The following NOX3 variants were observed in gnomAD, a reference collection of about 807,000 sequenced individuals.
NOX3 encodes the protein NADPH oxidase catalytic subunit-like 3.
NOX3 carries 74 observed loss-of-function variants against 76.7 expected under a neutral mutation model. The ratio of observed to expected loss-of-function variants is 0.96; its 90% CI spans 0.80 to 1.17. The LOEUF (loss-of-function observed/expected upper bound fraction) is 1.17, where lower values mean the gene tolerates loss of function less well. Among genes scored for constraint, NOX3 ranks in the 50% most tolerant of loss-of-function variants. The probability of loss-of-function intolerance (pLI) is 0.00; values close to 1 mark genes in which losing one functional copy is unlikely to be tolerated. For missense variants in NOX3, 695 were observed against 703.3 expected (o/e 0.99, Z 0.13); for synonymous variants, 263 against 261.1 (o/e 1.01, Z -0.07).
chr6:155,434,297 G>A (rs1776873517), intron 7 of NOX3, among the ~76,000 whole-genome samples: 1 of 152,220 alleles, frequency 6.6e-6, no homozygotes, highest in East Asian at 1.9e-4. Context: ...GTTACGATGA[G>A]TTGATGCTGT....
chr6:155,407,171 G>A lies in NOX3; in HGVS notation c.1539C>T (p.Asn513=), dbSNP rs2114677923. 1 of 1,614,078 alleles carries A rather than the reference G, an allele frequency of 6.2e-7. No homozygotes were observed. The highest frequency in any genetic ancestry group is 8.5e-7 in the Non-Finnish European group (1 of 1,179,982). The change falls in exon 12 of 14, where the codon AAC becomes AAT. Residue 513 remains asparagine, a synonymous_variant. Coordinates refer to ENST00000159060, the MANE Select transcript of NOX3 (RefSeq NM_015718.3). ...CAATCTGCTTGAACTCATTGTTCCA[G>A]TTGGGCCTCCCATAGAAGGTCTTCT... The part of the protein sequence containing the change: ...LKQKTFYGRP[N]WNNEFKQIAY...
intron 11 of NOX3, among the ~76,000 whole-genome samples, chr6:155,409,933 C>A (rs1003387653): frequency 6.6e-6 from 1 of 152,126 alleles, no homozygotes; most frequent in Non-Finnish European, 1.5e-5. Context: ...CCCACAGCTC[C>A]CAGTTGGCAA....
chr6:155,429,108 A>T, intron 8 of NOX3, 61 bp from the exon 9 acceptor site: 6 of 1,440,714 alleles, frequency 4.2e-6, no homozygotes, highest in South Asian at 1.6e-5. Context: ...AACACCTTTC[A>T]TTCCATCAAA....
intron 11 of NOX3, among the ~76,000 whole-genome samples, chr6:155,408,064 C>T (rs1246141120): frequency 1.3e-5 from 2 of 152,082 alleles, no homozygotes; most frequent in South Asian, 2.1e-4. Context: ...CTGCAATCTC[C>T]ACCTCCTGAG....
At chr6:155,455,648 T>C (rs1157835313) in intron 1 of NOX3, 105 bp downstream of exon 1, 5 of 776,454 alleles carry the variant, frequency 6.4e-6, no homozygotes, top group Admixed American at 4.6e-5. Flanking sequence ...GTCTTTTAAC[T>C]AGAGTAATAC....
intron 5 of NOX3, among the ~76,000 whole-genome samples, chr6:155,440,885 A>C (rs766533176): frequency 2.6e-5 from 4 of 152,162 alleles, no homozygotes; most frequent in Non-Finnish European, 4.4e-5. Flanking sequence ...GTTCCTAATA[A>C]AGCAGCTGCA....
chr6:155,445,969 A>G (rs1210540274), intron 4 of NOX3, among the ~76,000 whole-genome samples: 3 of 96,664 alleles, frequency 3.1e-5, no homozygotes, highest in Non-Finnish European at 4.0e-5. Context: ...ATATATATAT[A>G]ATATATATAT....
chr6:155,414,638 T>A (rs1048510216), intron 10 of NOX3, among the ~76,000 whole-genome samples: 4 of 143,836 alleles, frequency 2.8e-5, no homozygotes, highest in African/African-American at 1.0e-4. Flanking sequence ...TTTTTTTTTT[T>A]TTTTTTTGAG....
intron 12 of NOX3, among the ~76,000 whole-genome samples, chr6:155,405,393 A>C (rs1776433770): frequency 6.6e-6 from 1 of 152,192 alleles, no homozygotes; most frequent in Non-Finnish European, 1.5e-5. Context: ...CTGACCATCC[A>C]ACAGTGCAGT....
At chr6:155,441,674 T>G (rs769666136) in intron 5 of NOX3, among the ~76,000 whole-genome samples, 1 of 152,254 alleles carries the variant, frequency 6.6e-6, no homozygotes, top group African/African-American at 2.4e-5. Context: ...TTGAAATTAC[T>G]GCATTGGTAG....
intron 12 of NOX3, among the ~76,000 whole-genome samples, chr6:155,400,854 A>T (rs1779215829): frequency 6.6e-6 from 1 of 151,958 alleles, no homozygotes; most frequent in African/African-American, 2.4e-5. Context: ...CAGCTCCCTC[A>T]TTGGTCTCAT....
intron 4 of NOX3, among the ~76,000 whole-genome samples, chr6:155,450,589 G>A (rs1777121109): frequency 6.6e-6 from 1 of 152,126 alleles, no homozygotes; most frequent in African/African-American, 2.4e-5. Flanking sequence ...TTCACTCTGT[G>A]GTAGAAAGTA....
chr6:155,437,316 G>A (rs1225961886), intron 6 of NOX3, among the ~76,000 whole-genome samples: 1 of 152,204 alleles, frequency 6.6e-6, no homozygotes, highest in African/African-American at 2.4e-5. Context: ...GAATTGTTCA[G>A]TTCCTAGGTG....
intron 9 of NOX3, among the ~76,000 whole-genome samples, chr6:155,428,426 C>A (rs1028128193): frequency 6.6e-6 from 1 of 151,962 alleles, no homozygotes; most frequent in Non-Finnish European, 1.5e-5. Context: ...CCTGACTTTA[C>A]AAATACAATA....
At chr6:155,450,507 A>G (rs1777119899) in intron 4 of NOX3, among the ~76,000 whole-genome samples, 1 of 152,178 alleles carries the variant, frequency 6.6e-6, no homozygotes, top group Admixed American at 6.5e-5. Context: ...CCTGTGCGCC[A>G]GGGACCAGGG....
chr6:155,425,905 G>A (rs563916781), intron 9 of NOX3, among the ~76,000 whole-genome samples: 34 of 152,242 alleles, frequency 2.2e-4, no homozygotes, highest in African/African-American at 7.2e-4. Context: ...TTTTTCTTGG[G>A]TTTAGAGGAA....
At chr6:155,397,010 G>T in intron 12 of NOX3, 48 bp from the exon 13 acceptor site, 4 of 1,556,408 alleles carry the variant, frequency 2.6e-6, no homozygotes, top group Non-Finnish European at 2.6e-6. Context: ...AGGAGGCAAG[G>T]CCAGCCAGAA....
At chr6:155,425,376 C>G (rs2114691648) in intron 9 of NOX3, among the ~76,000 whole-genome samples, 1 of 152,266 alleles carries the variant, frequency 6.6e-6, no homozygotes, top group Admixed American at 6.5e-5. Flanking sequence ...GATTTAGACA[C>G]AGCGTTTCTA....
In NOX3 at chr6:155,411,153, G is replaced by T. The variant is rs78227291; in HGVS notation, c.1455+61C>A. 2,990 of 1,431,674 alleles carry T rather than the reference G, an allele frequency of 2.1e-3. 67 individuals are homozygous for T. The African/African-American group carries it at 0.036, about 17-fold the overall frequency. The allele number at this position is 1,431,674 out of a possible 1,614,324, so 88.7% of individuals were successfully genotyped here. ...TGCTACATAGCTCATTATTGAAATTGTTCCTCATTGCTATTAGATGAGTTC... is the reference window on the plus strand; with the variant it reads ...TGCTACATAGCTCATTATTGAAATTTTTCCTCATTGCTATTAGATGAGTTC... On this transcript the variant is annotated intron_variant, in intron 11 of 13. Coordinates refer to ENST00000159060, the MANE Select transcript of NOX3 (RefSeq NM_015718.3).
Sources: gnomAD v4.1 joint callset for allele counts (sites outside exome capture counted in the v4.1 genomes callset) on GRCh38, gnomAD v4.1.1 for gene constraint, MANE v1.5 for transcripts, NCBI Gene and HGNC (gene_info 2026-07-23, HGNC 2026-07-21) for gene names.